The following ATP9B variants were observed in gnomAD, a reference collection of about 807,000 sequenced individuals.
The protein encoded by ATP9B is probable phospholipid-transporting ATPase IIB.
A neutral mutation model predicts 146.1 loss-of-function variants in ATP9B; 110 were observed. The ratio of observed to expected loss-of-function variants is 0.75; its 90% CI spans 0.65 to 0.88. The LOEUF is 0.88. Ranked by LOEUF, ATP9B falls within the 40% of genes least tolerant of loss-of-function variation. The pLI is 0.00. For synonymous variants in ATP9B, 604 were observed against 569.7 expected, an observed-to-expected ratio of 1.06 and a Z score of -0.86; for missense variants, 1,499 against 1,496.4, an observed-to-expected ratio of 1.00 and a Z score of -0.03.
intron 15 of ATP9B, 196 bp downstream of exon 15, chr18:79,307,430 C>G (rs1046978174): frequency 3.9e-6 from 3 of 760,902 alleles, no homozygotes; most frequent in Non-Finnish European, 6.1e-6. Context: ...CTTGCACATG[C>G]AAATGTGCGG....
At chr18:79,221,148 T>C (rs2095672494) in intron 11 of ATP9B, among the ~76,000 whole-genome samples, 2 of 152,210 alleles carry the variant, frequency 1.3e-5, no homozygotes, top group South Asian at 4.1e-4. Flanking sequence ...GACCAGGCCT[T>C]GAGTCCTTGG....
At chr18:79,154,097 G>A (rs2147624174) in intron 6 of ATP9B, among the ~76,000 whole-genome samples, 1 of 151,218 alleles carries the variant, frequency 6.6e-6, no homozygotes, top group African/African-American at 2.4e-5. Flanking sequence ...GGGACTACAG[G>A]TGCCTGCCAC....
intron 14 of ATP9B, among the ~76,000 whole-genome samples, chr18:79,304,180 AGGT>A (rs954159541): frequency 2.0e-5 from 3 of 152,072 alleles, no homozygotes; most frequent in Non-Finnish European, 4.4e-5. Context: ...ATCAGTGCCC[AGGT>A]GGTGATGTTT....
Position 79,336,701 on chromosome 18 carries a change from A to G in ATP9B, c.2102A>G (p.Gln701Arg), listed in dbSNP as rs1331660577. The change falls in exon 18 of 30, where the codon CAG becomes CGG. Residue 701 changes from glutamine (Q) to arginine (R), a missense_variant. Physicochemically the swap from Gln to Arg is conservative, Grantham distance 43. Transcript: ENST00000426216. ...AKKALTEEQY[Q>R]DFESRYTQAK... ...AAGGCGTTGACAGAGGAGCAGTACC[A>G]GGACTTTGAGGTGAGCCGACTCCCA... 4 of 1,613,836 alleles carry G rather than the reference A, an allele frequency of 2.5e-6. No individual in the cohort carries two copies. In the Admixed American group the frequency reaches 5.0e-5, roughly 20 times the overall value.
chr18:79,215,002 G>C (rs890888082), intron 11 of ATP9B, among the ~76,000 whole-genome samples: 1 of 152,092 alleles, frequency 6.6e-6, no homozygotes, highest in Non-Finnish European at 1.5e-5. Flanking sequence ...ACAAAAATTA[G>C]CTGGGCATGA....
intron 7 of ATP9B, among the ~76,000 whole-genome samples, chr18:79,169,334 TA>T (rs2095034604): frequency 6.6e-6 from 1 of 152,220 alleles, no homozygotes; most frequent in Non-Finnish European, 1.5e-5. Flanking sequence ...TACTGTCACC[TA>T]ACACTGTTAA....
rs370912575 is a variant in ATP9B, at chr18:79,359,452, A to G, written c.3002A>G (p.Asp1001Gly). The change falls in exon 26 of 30, where the codon GAC (aspartate) becomes GGC (glycine). Residue 1001 changes from aspartate to glycine, a missense_variant. Transcript: ENST00000426216. ...ATGCTCTACCCGGAGCTGTACAAGG[A>G]CCTCACCAAGGTACGGGCCTCAGGC... ...MAMLYPELYK[D>G]LTKGRSLSFK... is the part of the protein sequence containing the mutation. The G allele has an allele frequency of 3.1e-6, 5 of 1,613,316 alleles. No individual in the cohort carries two copies. The highest frequency in any genetic ancestry group is 4.2e-6 in the Non-Finnish European group (5 of 1,179,468).
chr18:79,283,029 C>G (rs1232726934), intron 13 of ATP9B, among the ~76,000 whole-genome samples: 2 of 152,210 alleles, frequency 1.3e-5, no homozygotes, highest in Non-Finnish European at 2.9e-5. Flanking sequence ...TGTGAGGCCT[C>G]TAGTACCCTG....
chr18:79,256,286 T>TATATATATATATATATATATACACACAC (rs398033647), intron 12 of ATP9B, among the ~76,000 whole-genome samples: 41 of 123,044 alleles, frequency 3.3e-4, no homozygotes, highest in African/African-American at 1.2e-3. Flanking sequence ...TATATATATA[T>TATATATATATATATATATATACACACAC]ACATACATAG....
chr18:79,285,725 C>T (rs1240522866), intron 13 of ATP9B, among the ~76,000 whole-genome samples: 2 of 152,164 alleles, frequency 1.3e-5, no homozygotes, highest in African/African-American at 2.4e-5. Context: ...TGCCTAGGTT[C>T]TCTTCTAGAG....
At chr18:79,319,885 A>G (rs142206572) in intron 15 of ATP9B, among the ~76,000 whole-genome samples, 1 of 152,162 alleles carries the variant, frequency 6.6e-6, no homozygotes, top group African/African-American at 2.4e-5. Flanking sequence ...ATTTATTATT[A>G]ACCTATTTAC....
chr18:79,262,648 A>AC (rs2096155143), intron 12 of ATP9B, among the ~76,000 whole-genome samples: 1 of 152,156 alleles, frequency 6.6e-6, no homozygotes, highest in African/African-American at 2.4e-5. Flanking sequence ...GTGACAGGAA[A>AC]CCTGGTTAAT....
intron 19 of ATP9B, chr18:79,340,492 G>A (rs2096852378): frequency 6.6e-6 from 1 of 152,142 alleles, no homozygotes; most frequent in South Asian, 2.1e-4. Context: ...ACAAATCTTA[G>A]ACACTGAGAA....
intron 1 of ATP9B, among the ~76,000 whole-genome samples, chr18:79,088,607 GT>G (rs2074048768): frequency 6.6e-6 from 1 of 152,156 alleles, no homozygotes; most frequent in East Asian, 1.9e-4. Flanking sequence ...GATTGGTAGA[GT>G]AGGGTGTTTA....
chr18:79,333,695 G>T (rs2096803900), intron 17 of ATP9B, among the ~76,000 whole-genome samples: 2 of 152,022 alleles, frequency 1.3e-5, no homozygotes, highest in African/African-American at 4.8e-5. Flanking sequence ...GCCTCTAAAA[G>T]ACCTCTCCTC....
chr18:79,233,684 A>G (rs1386740535), intron 11 of ATP9B, among the ~76,000 whole-genome samples: 3 of 152,170 alleles, frequency 2.0e-5, no homozygotes, highest in Non-Finnish European at 4.4e-5. Flanking sequence ...AATACAGTTG[A>G]CCAATGAGCA....
intron 26 of ATP9B, chr18:79,362,519 T>C (rs898336110): frequency 6.6e-6 from 1 of 152,286 alleles, no homozygotes; most frequent in Non-Finnish European, 1.5e-5. Flanking sequence ...CTTTGAATTA[T>C]TAAACTTTAC....
intron 1 of ATP9B, among the ~76,000 whole-genome samples, chr18:79,080,044 C>T (rs1340751779): frequency 6.6e-6 from 1 of 152,118 alleles, no homozygotes; most frequent in East Asian, 1.9e-4. Context: ...GTTACTGTAG[C>T]CTTGTAGTAT....
Position 79,307,174 on chromosome 18 carries a change from AGAGG to A in ATP9B, c.1714_1717del (p.Glu572LeufsTer43), listed in dbSNP as rs1483430896. 1 of 1,614,150 alleles carries A rather than the reference AGAGG, an allele frequency of 6.2e-7. No homozygotes were observed. Among genetic ancestry groups the A allele is most frequent in the African/African-American group, 1.3e-5 (1 of 74,948 alleles). ...GCGTTACTGAGGAGACTGAGTTCGC[AGAGG>A]CTGACCAAGACTTCAGTGATGAGAA... On this transcript the variant is annotated frameshift_variant, in exon 15 of 30. Coordinates refer to ENST00000426216, the MANE Select transcript of ATP9B (RefSeq NM_198531.5). LOFTEE classifies it high-confidence loss of function.
Sources: allele counts gnomAD v4.1 joint callset (sites outside exome capture counted in the v4.1 genomes callset), GRCh38; gene constraint gnomAD v4.1.1; transcripts MANE v1.5; gene names NCBI Gene and HGNC (gene_info 2026-07-23, HGNC 2026-07-21).